The following ITGA6 variants were observed in gnomAD, a reference collection of about 807,000 sequenced individuals.
ITGA6 encodes integrin subunit alpha 6, also known as integrin alpha-6.
In ITGA6, 63 loss-of-function variants were observed where a neutral mutation model predicts 133.6. The ratio of observed to expected loss-of-function variants is 0.47; its 90% CI spans 0.38 to 0.58. The LOEUF is 0.58. Among genes scored for constraint, ITGA6 ranks in the 20% least tolerant of loss-of-function variants. The probability of loss-of-function intolerance (pLI) is 0.00; values close to 1 mark genes in which losing one functional copy is unlikely to be tolerated. For synonymous variants in ITGA6, 434 were observed against 482.0 expected, an observed-to-expected ratio of 0.90 and a Z score of 1.30; for missense variants, 1,068 against 1,309.4, an observed-to-expected ratio of 0.82 and a Z score of 2.85.
At chr2:172,449,558 G>C (rs752419005) in intron 1 of ITGA6, among the ~76,000 whole-genome samples, 1 of 152,162 alleles carries the variant, frequency 6.6e-6, no homozygotes, top group Non-Finnish European at 1.5e-5. Context: ...CTCAGGTACT[G>C]ATGAAGATTG....
intron 1 of ITGA6, among the ~76,000 whole-genome samples, chr2:172,447,530 T>TTA (rs1684816971): frequency 6.6e-6 from 1 of 152,184 alleles, no homozygotes. Context: ...AATGAGCTAG[T>TTA]TATATATTTA....
chr2:172,429,204 AG>A (rs1684008898), intron 1 of ITGA6, among the ~76,000 whole-genome samples: 1 of 151,490 alleles, frequency 6.6e-6, no homozygotes, highest in Non-Finnish European at 1.5e-5. Flanking sequence ...AACACCTGCT[AG>A]GTGAAGCACA....
In ITGA6 at chr2:172,501,846, A is replaced by G. The variant is rs1352821396; in HGVS notation, c.3189A>G (p.Pro1063=). ...ACAAGGCTGAGATCCATGCTCAGCC[A>G]TCTGATAAAGAGAGGCTTACTTCTG... ...TYHKAEIHAQ[P]SDKERLTSDA The change falls in exon 25 of 26, where the codon CCA becomes CCG. Residue 1063 remains proline, a synonymous_variant. Coordinates refer to ENST00000684293, the MANE Select transcript of ITGA6 (RefSeq NM_000210.4). The G allele has an allele frequency of 1.2e-6, 2 of 1,610,004 alleles. No individual in the cohort carries two copies. Among genetic ancestry groups the G allele is most frequent in the African/African-American group, 2.7e-5 (2 of 74,876 alleles).
In ITGA6 at chr2:172,499,698, G is replaced by T. The variant is rs553648606; in HGVS notation, c.3114+1598G>T. Among the ~76,000 whole-genome samples the T allele has an allele frequency of 9.3e-4, 142 of 152,268 alleles. 2 individuals are homozygous for T. The highest frequency in any genetic ancestry group is 3.3e-3 in the African/African-American group (139 of 41,546). On this transcript the variant is annotated intron_variant, in intron 24 of 25. Transcript: ENST00000684293. The stretch of plus-strand genomic sequence containing the variant: ...TTTGATATCAAAAACTAAAGTTGGG[G>T]TTTGATATTTGAGGATGATGTTGTG...
At chr2:172,474,884 T>C (rs1164958718) in intron 6 of ITGA6, 45 bp from the exon 7 acceptor site, 3 of 911,020 alleles carry the variant, frequency 3.3e-6, no homozygotes, top group Non-Finnish European at 5.6e-6. Flanking sequence ...GTTGCTGGTA[T>C]GTTAGCTGTT....
intron 9 of ITGA6, among the ~76,000 whole-genome samples, chr2:172,479,366 G>A (rs889246299): frequency 2.0e-5 from 3 of 152,206 alleles, no homozygotes; most frequent in Admixed American, 6.5e-5. Flanking sequence ...GGGTGGGAAT[G>A]GAGACAAAAT....
chr2:172,498,200 C>T, intron 24 of ITGA6, 100 bp downstream of exon 24: 1 of 1,221,806 alleles, frequency 8.2e-7, no homozygotes, highest in Non-Finnish European at 1.2e-6. Flanking sequence ...TCATTGCTTC[C>T]TTTTTTCTAA....
At chr2:172,455,117 A>G (rs752086837) in intron 1 of ITGA6, among the ~76,000 whole-genome samples, 3 of 151,642 alleles carry the variant, frequency 2.0e-5, no homozygotes, top group Admixed American at 6.6e-5. Flanking sequence ...AGATAGTAAG[A>G]TAAGATGAAG....
chr2:172,442,086 G>C (rs1160443188), intron 1 of ITGA6, among the ~76,000 whole-genome samples: 3 of 152,190 alleles, frequency 2.0e-5, no homozygotes, highest in Non-Finnish European at 4.4e-5. Flanking sequence ...GGATTTGCCT[G>C]TGGCCACAAA....
At chr2:172,427,379 G>A (rs1156540786), upstream of ITGA6, 4 of 1,012,836 alleles carry the variant, frequency 3.9e-6, no homozygotes, top group Admixed American at 6.0e-5. Flanking sequence ...GGGCGGCGCA[G>A]TGGGGCTGCT....
At position 172,487,529 on chromosome 2, in the gene ITGA6, C is replaced by T. The variant is rs374144023; in HGVS notation, c.2161-18C>T. The stretch of plus-strand genomic sequence containing the variant: ...GGCAAATGAGTGGATTGTGACCTAG[C>T]GTGTGTTTCTTTTACAGGAGAAACA... On this transcript the variant is annotated intron_variant, in intron 15 of 25. Transcript: ENST00000684293. 161 of 1,612,274 alleles carry T rather than the reference C, an allele frequency of 1.0e-4. 3 individuals are homozygous for T. In the African/African-American group the frequency reaches 1.6e-3, roughly 16 times the overall value.
intron 1 of ITGA6, among the ~76,000 whole-genome samples, chr2:172,445,688 C>A (rs1247343842): frequency 6.6e-6 from 1 of 151,206 alleles, no homozygotes; most frequent in Admixed American, 6.6e-5. Flanking sequence ...GCCTGAAAGA[C>A]CTCTTTTGGT....
chr2:172,463,351 G>A (rs1313923463), intron 1 of ITGA6, among the ~76,000 whole-genome samples: 4 of 152,122 alleles, frequency 2.6e-5, no homozygotes, highest in Admixed American at 6.6e-5. Context: ...CTCTTTGCTG[G>A]TGGTTACCTT....
chr2:172,491,164 G>T lies in ITGA6; in HGVS notation c.2778+42G>T. 7.2e-7 allele frequency: 1 copy of T among 1,398,458 alleles called. No individual in the cohort carries two copies. Among genetic ancestry groups the T allele is most frequent in the Non-Finnish European group, 1.0e-6 (1 of 983,556 alleles). 86.6% of individuals were successfully genotyped at this position (1,398,458 alleles called of 1,614,324 possible). A position where few individuals can be genotyped will look rare whatever the true frequency, so the allele number is the denominator to read the frequency against. ...AGCTGTGAATATTTGAGAGGATGAG[G>T]GGAAGGATTTCTTCAGAACAATGTC... On this transcript the variant is annotated intron_variant, in intron 21 of 25. Coordinates refer to ENST00000684293, the MANE Select transcript of ITGA6 (RefSeq NM_000210.4). The surrounding 1 kb of genome is among the most constrained non-coding windows in gnomAD (Gnocchi z 4.4).
Position 172,487,713 on chromosome 2 carries a change from T to C in ITGA6, c.2245-15T>C. On this transcript the variant is annotated splice_polypyrimidine_tract_variant and intron_variant, in intron 16 of 25. Coordinates refer to ENST00000684293, the MANE Select transcript of ITGA6 (RefSeq NM_000210.4). ...TATGCATGGCCTGTGTTAACAGCTA[T>C]TTATGTTTTTTTAGGTCACTTTTTA... 6.2e-7 allele frequency: 1 copy of C among 1,604,978 alleles called. No individual in the cohort carries two copies. The highest frequency in any genetic ancestry group is 8.5e-7 in the Non-Finnish European group (1 of 1,172,250).
At position 172,429,777 on chromosome 2, in the gene ITGA6, T is replaced by C. The variant is rs567325800; in HGVS notation, c.182+1807T>C. On this transcript the variant is annotated intron_variant, in intron 1 of 25. Transcript: ENST00000684293. The stretch of plus-strand genomic sequence containing the variant: ...GGGGAGAGGCCCCGTATAAGGAGAC[T>C]GTATGTTTCCTAGAGTCCAAAGGCA... Among the ~76,000 whole-genome samples, 3 of 152,316 alleles carry C rather than the reference T, an allele frequency of 2.0e-5. No individual in the cohort carries two copies. The South Asian group carries it at 6.2e-4, about 32-fold the overall frequency.
chr2:172,431,996 A>T (rs1340075080), intron 1 of ITGA6, among the ~76,000 whole-genome samples: 1 of 152,190 alleles, frequency 6.6e-6, no homozygotes, highest in Non-Finnish European at 1.5e-5. Context: ...TTGAGATTTA[A>T]TTTAAGCTTT....
upstream of ITGA6, chr2:172,427,388 C>T: frequency 2.0e-6 from 2 of 1,015,876 alleles, no homozygotes; most frequent in Non-Finnish European, 2.3e-6. Context: ...AGTGGGGCTG[C>T]TTCGCCGCGA....
Position 172,479,636 on chromosome 2 carries a change from T to C in ITGA6, c.1389-5T>C, listed in dbSNP as rs372433237. On this transcript the variant is annotated splice_polypyrimidine_tract_variant and splice_region_variant and intron_variant, in intron 9 of 25. Transcript: ENST00000684293. ...GAGCTTGTTTTTCACTCCTTTTGTC[T>C]TCAGATCCCGGCCTGTGATTAATAT... 4 of 1,613,092 alleles carry C rather than the reference T, an allele frequency of 2.5e-6. No individual in the cohort carries two copies. In the African/African-American group the frequency reaches 5.3e-5, roughly 22 times the overall value.
Sources: allele counts gnomAD v4.1 joint callset (sites outside exome capture counted in the v4.1 genomes callset), GRCh38; gene constraint gnomAD v4.1.1; non-coding constraint Gnocchi (gnomAD v3.1); transcripts MANE v1.5; gene names NCBI Gene and HGNC (gene_info 2026-07-23, HGNC 2026-07-21).